The following PAX5 variants were observed in gnomAD, a reference collection of about 807,000 sequenced individuals.
PAX5 encodes paired box 5.
Under a neutral mutation model 43.7 loss-of-function variants are expected in PAX5, and 9 were observed. That is an observed-to-expected ratio of 0.21 (90% CI 0.12 to 0.36). The LOEUF is 0.36. Ranked by LOEUF, PAX5 falls within the 10% of genes least tolerant of loss-of-function variation. PAX5 has a pLI of 1.00. For synonymous variants in PAX5, 228 were observed against 214.3 expected (o/e 1.06, Z -0.56); for missense variants, 383 against 532.7 (o/e 0.72, Z 2.77).
intron 6 of PAX5, among the ~76,000 whole-genome samples, chr9:36,933,404 G>A (rs985268388): frequency 1.3e-5 from 2 of 152,144 alleles, no homozygotes; most frequent in African/African-American, 4.8e-5. Context: ...CCAAACACAA[G>A]AAGTCTAAGT....
At chr9:36,896,630 C>T (rs1212409041) in intron 7 of PAX5, among the ~76,000 whole-genome samples, 3 of 152,200 alleles carry the variant, frequency 2.0e-5, no homozygotes, top group Non-Finnish European at 4.4e-5. Flanking sequence ...AACTATCTCA[C>T]AGAATCACCG....
intron 6 of PAX5, among the ~76,000 whole-genome samples, chr9:36,957,923 C>G (rs1833627529): frequency 6.6e-6 from 1 of 152,186 alleles, no homozygotes; most frequent in South Asian, 2.1e-4. Flanking sequence ...TTCCAATAGA[C>G]TGAAACTTTT....
At chr9:37,011,244 C>A (rs1281358647) in intron 3 of PAX5, among the ~76,000 whole-genome samples, 1 of 152,106 alleles carries the variant, frequency 6.6e-6, no homozygotes, top group African/African-American at 2.4e-5. Flanking sequence ...CCACCTCCAG[C>A]CCGGGACAAG....
intron 6 of PAX5, among the ~76,000 whole-genome samples, chr9:36,960,243 T>C (rs1281742002): frequency 1.3e-5 from 2 of 152,014 alleles, no homozygotes; most frequent in Non-Finnish European, 2.9e-5. Context: ...GCCACAAAAT[T>C]AAGAAAGTAA....
At chr9:36,969,290 C>T (rs185315908) in intron 5 of PAX5, among the ~76,000 whole-genome samples, 1 of 152,354 alleles carries the variant, frequency 6.6e-6, no homozygotes, top group East Asian at 1.9e-4. Flanking sequence ...CCCCTCAACT[C>T]TGCCCCTCTA....
At chr9:36,988,189 G>C (rs919001289) in intron 5 of PAX5, among the ~76,000 whole-genome samples, 2 of 152,134 alleles carry the variant, frequency 1.3e-5, no homozygotes, top group African/African-American at 2.4e-5. Context: ...AGAAACCCAG[G>C]CTTCTCCAGT....
intron 7 of PAX5, among the ~76,000 whole-genome samples, chr9:36,890,821 T>C (rs536038614): frequency 1.7e-4 from 26 of 151,796 alleles, no homozygotes; most frequent in African/African-American, 5.8e-4. Context: ...GAGATGGGAG[T>C]GGTCAGTCTG....
chr9:37,013,545 G>A (rs370629158), intron 3 of PAX5, among the ~76,000 whole-genome samples: 2 of 152,124 alleles, frequency 1.3e-5, no homozygotes, highest in Non-Finnish European at 2.9e-5. Context: ...CCCGCAAAGA[G>A]CCAGAAGTAA....
At chr9:37,021,407 T>A (rs1033296708) in intron 1 of PAX5, among the ~76,000 whole-genome samples, 7 of 151,898 alleles carry the variant, frequency 4.6e-5, no homozygotes, top group Non-Finnish European at 1.0e-4. Context: ...GAAGGTGAGG[T>A]TGACATGCAG....
chr9:36,992,188 C>A (rs1476848738), intron 5 of PAX5, among the ~76,000 whole-genome samples: 1 of 148,336 alleles, frequency 6.7e-6, no homozygotes, highest in East Asian at 2.0e-4. Context: ...ACCCAGAAGC[C>A]CCTGTGGAAT....
In PAX5 at chr9:36,868,554, G is replaced by A. The variant is rs531830703; in HGVS notation, c.1012+13450C>T. Among the ~76,000 whole-genome samples the A allele has an allele frequency of 3.3e-5, 5 of 152,268 alleles. No individual in the cohort carries two copies. In the East Asian group the frequency reaches 9.6e-4, roughly 29 times the overall value. The stretch of plus-strand genomic sequence containing the variant: ...ACACAGACAGGTGAGGATGGGGAGG[G>A]AGAAAGGAATATACCAGAATTCCAA... On this transcript the variant is annotated intron_variant, in intron 8 of 9. Coordinates refer to ENST00000358127, the MANE Select transcript of PAX5 (RefSeq NM_016734.3).
chr9:36,840,972 G>A (rs969240468), intron 9 of PAX5, among the ~76,000 whole-genome samples: 4 of 152,180 alleles, frequency 2.6e-5, no homozygotes, highest in African/African-American at 7.2e-5. Context: ...CTGCTATTAC[G>A]ACAGAGTTGG....
At chr9:36,913,803 C>G (rs559278871) in intron 7 of PAX5, among the ~76,000 whole-genome samples, 1 of 152,160 alleles carries the variant, frequency 6.6e-6, no homozygotes, top group African/African-American at 2.4e-5. Flanking sequence ...AGCCCTGGGC[C>G]GGGCTCACCA....
intron 7 of PAX5, among the ~76,000 whole-genome samples, chr9:36,920,054 G>T (rs1290383228): frequency 1.3e-5 from 2 of 152,074 alleles, no homozygotes; most frequent in Non-Finnish European, 2.9e-5. Flanking sequence ...AAGATGTACT[G>T]AATTGCTGCC....
chr9:37,030,713 C>T (rs986361570), intron 1 of PAX5, among the ~76,000 whole-genome samples: 2 of 152,240 alleles, frequency 1.3e-5, no homozygotes, highest in African/African-American at 2.4e-5. Flanking sequence ...AGCCAGAGAC[C>T]TCGTTTCACT....
rs765033875 is a variant in PAX5 at position 36,840,597 on chromosome 9, G to A, written c.1139C>T (p.Ala380Val). ...YYYSAAARGA[A>V]PPAAATAYDR... is the part of the protein sequence containing the mutation. ...ATAGGCAGTGGCGGCTGCAGGTGGGGCGGCTCCTCGGGCGGCAGCGCTATA... is the reference window on the plus strand; with the variant it reads ...ATAGGCAGTGGCGGCTGCAGGTGGGACGGCTCCTCGGGCGGCAGCGCTATA... The change falls in exon 10 of 10, where the codon GCC becomes GTC. Residue 380 changes from alanine (A) to valine (V), a missense_variant. Physicochemically the swap from Ala to Val is moderately conservative, Grantham distance 64 (BLOSUM62 0). Transcript: ENST00000358127. 3 of 1,583,482 alleles carry A rather than the reference G, an allele frequency of 1.9e-6. No individual in the cohort carries two copies. The highest frequency in any genetic ancestry group is 2.6e-6 in the Non-Finnish European group (3 of 1,165,852).
Position 36,948,801 on chromosome 9 carries a change from G to A in PAX5, c.780+17748C>T, listed in dbSNP as rs970199765. On this transcript the variant is annotated intron_variant, in intron 6 of 9. Transcript: ENST00000358127. Reference sequence around the variant, plus strand: ...ATTCTTAGCCACTTTGTCTCCCTGCGCAAACTCCCTCCTGCCTCCTCTCCA... The same window carrying A: ...ATTCTTAGCCACTTTGTCTCCCTGCACAAACTCCCTCCTGCCTCCTCTCCA... Among the ~76,000 whole-genome samples the A allele has an allele frequency of 2.7e-5, 4 of 148,956 alleles. 2 individuals carry two copies. The South Asian group carries it at 8.6e-4, about 32-fold the overall frequency.
At chr9:36,888,068 C>T (rs1827052150) in intron 7 of PAX5, among the ~76,000 whole-genome samples, 1 of 152,160 alleles carries the variant, frequency 6.6e-6, no homozygotes. Context: ...ATCCAAACCA[C>T]AATAAAACAC....
chr9:37,001,228 G>C (rs1243810986), intron 5 of PAX5, among the ~76,000 whole-genome samples: 1 of 152,228 alleles, frequency 6.6e-6, no homozygotes, highest in Non-Finnish European at 1.5e-5. Flanking sequence ...GAACCTGTCT[G>C]TTTGGTGGTA....
Sources: allele counts gnomAD v4.1 joint callset (sites outside exome capture counted in the v4.1 genomes callset), GRCh38; gene constraint gnomAD v4.1.1; transcripts MANE v1.5; gene names NCBI Gene and HGNC (gene_info 2026-07-23, HGNC 2026-07-21).